ADAMTS17: variants seen among roughly 807,000 people sequenced by gnomAD.
ADAMTS17 encodes ADAM metallopeptidase with thrombospondin type 1 motif 17.
A neutral mutation model predicts 141.5 loss-of-function variants in ADAMTS17; 113 were observed. That is an observed-to-expected ratio of 0.80 (90% CI 0.69 to 0.93). The LOEUF is 0.93. Ranked by LOEUF, ADAMTS17 falls within the 40% of genes least tolerant of loss-of-function variation. The pLI is 0.00. For synonymous variants in ADAMTS17, 768 were observed against 630.6 expected, an observed-to-expected ratio of 1.22 and a Z score of -3.27; for missense variants, 1,659 against 1,517.9, an observed-to-expected ratio of 1.09 and a Z score of -1.54.
chr15:100,161,155 G>A (rs2039675604), intron 8 of ADAMTS17, among the ~76,000 whole-genome samples: 1 of 152,086 alleles, frequency 6.6e-6, no homozygotes, highest in East Asian at 1.9e-4. Context: ...AAAATAACAT[G>A]CTGCTCTGTA....
intron 4 of ADAMTS17, among the ~76,000 whole-genome samples, chr15:100,269,935 A>C (rs2043847001): frequency 6.6e-6 from 1 of 152,174 alleles, no homozygotes; most frequent in Non-Finnish European, 1.5e-5. Context: ...GTTGCTTGTA[A>C]TCAAAATCCC....
intron 15 of ADAMTS17, among the ~76,000 whole-genome samples, chr15:100,072,950 A>C (rs980594301): frequency 3.3e-5 from 5 of 152,230 alleles, no homozygotes; most frequent in African/African-American, 1.2e-4. Flanking sequence ...TCTGCAAAGC[A>C]AAAGAAACTA....
At chr15:100,326,895 G>A (rs533422844) in intron 3 of ADAMTS17, among the ~76,000 whole-genome samples, 3 of 152,326 alleles carry the variant, frequency 2.0e-5, no homozygotes, top group South Asian at 4.1e-4. Context: ...AGAAGTGACC[G>A]CAGAGAAGTG....
intron 15 of ADAMTS17, among the ~76,000 whole-genome samples, chr15:100,060,842 T>C (rs902784961): frequency 1.1e-4 from 16 of 152,126 alleles, no homozygotes; most frequent in South Asian, 2.1e-4. Flanking sequence ...CCAGCAAATG[T>C]GAGAGTAATT....
chr15:100,078,792 G>C (rs953082131), intron 15 of ADAMTS17, among the ~76,000 whole-genome samples: 1 of 152,150 alleles, frequency 6.6e-6, no homozygotes, highest in African/African-American at 2.4e-5. Flanking sequence ...CTCATACACT[G>C]GGAGAAAATC....
chr15:100,172,671 A>T (rs952179238), intron 8 of ADAMTS17, among the ~76,000 whole-genome samples: 1 of 152,184 alleles, frequency 6.6e-6, no homozygotes, highest in Non-Finnish European at 1.5e-5. Flanking sequence ...AAAATAGCCA[A>T]TCGGAATTAG....
At chr15:100,148,209 A>G (rs1281261472) in intron 10 of ADAMTS17, among the ~76,000 whole-genome samples, 1 of 152,226 alleles carries the variant, frequency 6.6e-6, no homozygotes, top group Non-Finnish European at 1.5e-5. Context: ...GGACATAAAG[A>G]TCTACCACAA....
intron 12 of ADAMTS17, among the ~76,000 whole-genome samples, chr15:100,127,152 G>T (rs1347828731): frequency 6.6e-6 from 1 of 152,168 alleles, no homozygotes; most frequent in Non-Finnish European, 1.5e-5. Flanking sequence ...GGGCTGAACG[G>T]TGGGTCCCCT....
intron 6 of ADAMTS17, 71 bp downstream of exon 6, chr15:100,261,408 G>A: frequency 6.2e-7 from 1 of 1,602,998 alleles, no homozygotes; most frequent in Non-Finnish European, 8.5e-7. Context: ...TTAACAACAT[G>A]CCTATTTCCT....
chr15:100,211,619 G>A (rs926529133), intron 7 of ADAMTS17, among the ~76,000 whole-genome samples: 3 of 152,258 alleles, frequency 2.0e-5, no homozygotes, highest in African/African-American at 7.2e-5. Context: ...AAAAGATTGG[G>A]CTATCTAGCT....
chr15:100,089,172 A>T (rs1172946472), intron 15 of ADAMTS17, among the ~76,000 whole-genome samples: 2 of 151,216 alleles, frequency 1.3e-5, no homozygotes, highest in East Asian at 3.9e-4. Context: ...AAAAGTGGGC[A>T]AAGGATATGA....
At chr15:100,275,887 G>A (rs563761283) in intron 4 of ADAMTS17, among the ~76,000 whole-genome samples, 3 of 148,388 alleles carry the variant, frequency 2.0e-5, no homozygotes, top group South Asian at 4.4e-4. Context: ...TCAGCTCTCT[G>A]AGGCACTGTT....
chr15:100,181,120 C>T (rs1376683412), intron 8 of ADAMTS17, among the ~76,000 whole-genome samples: 1 of 152,122 alleles, frequency 6.6e-6, no homozygotes, highest in African/African-American at 2.4e-5. Context: ...ATGGGGAGTA[C>T]TGCCAGGCTA....
intron 7 of ADAMTS17, among the ~76,000 whole-genome samples, chr15:100,250,742 A>G (rs1567429588): frequency 6.6e-6 from 1 of 152,208 alleles, no homozygotes; most frequent in African/African-American, 2.4e-5. Flanking sequence ...GCTGTAGTCT[A>G]GTTCACTCTA....
chr15:100,285,876 G>A (rs1441651627), intron 3 of ADAMTS17, among the ~76,000 whole-genome samples: 1 of 152,146 alleles, frequency 6.6e-6, no homozygotes, highest in Non-Finnish European at 1.5e-5. Flanking sequence ...TTGGGTGACT[G>A]CTGGACCTGC....
chr15:100,053,209 G>T (rs561945313), intron 16 of ADAMTS17, among the ~76,000 whole-genome samples: 1 of 152,176 alleles, frequency 6.6e-6, no homozygotes, highest in Non-Finnish European at 1.5e-5. Flanking sequence ...CCTGGATCTT[G>T]AGACGGAAGC....
In ADAMTS17 at chr15:100,195,036, G is replaced by A. The variant is rs545770225; in HGVS notation, c.1181+4282C>T. On this transcript the variant is annotated intron_variant, in intron 8 of 21. Coordinates refer to ENST00000268070, the MANE Select transcript of ADAMTS17 (RefSeq NM_139057.4). The stretch of plus-strand genomic sequence containing the variant: ...CACAGCTGCCTTCCTCACACTCAAC[G>A]CTGCCAACATTTCTAATTACTAGCT... 5.3e-5 allele frequency among the ~76,000 whole-genome samples: 8 copies of A among 152,338 alleles called. No individual in the cohort carries two copies. In the East Asian group the frequency reaches 1.2e-3, roughly 22 times the overall value.
At chr15:100,258,632 C>T (rs1191725774) in intron 6 of ADAMTS17, among the ~76,000 whole-genome samples, 1 of 152,076 alleles carries the variant, frequency 6.6e-6, no homozygotes, top group East Asian at 1.9e-4. Context: ...CCGAGAACAG[C>T]ACAAGAAAGA....
intron 19 of ADAMTS17, among the ~76,000 whole-genome samples, chr15:99,995,634 A>G (rs945411466): frequency 4.6e-5 from 7 of 152,202 alleles, no homozygotes; most frequent in African/African-American, 1.4e-4. Flanking sequence ...AGTGAGAGCA[A>G]TCAACACAGC....
Sources: allele counts gnomAD v4.1 joint callset (sites outside exome capture counted in the v4.1 genomes callset), GRCh38; gene constraint gnomAD v4.1.1; transcripts MANE v1.5; gene names NCBI Gene and HGNC (gene_info 2026-07-23, HGNC 2026-07-21).